The following SMS variants were observed in gnomAD, a reference collection of about 807,000 sequenced individuals.
SMS encodes spermine synthase.
In SMS, 3 loss-of-function variants were observed where a neutral mutation model predicts 33.0. The ratio of observed to expected loss-of-function variants is 0.09; its 90% CI spans 0.04 to 0.23. SMS has a LOEUF of 0.23. Ranked by LOEUF, SMS falls within the 10% of genes least tolerant of loss-of-function variation. The pLI is 1.00. For missense variants in SMS, 117 were observed against 288.6 expected (o/e 0.41, Z 4.31); for synonymous variants, 103 against 112.2 (o/e 0.92, Z 0.52).
chrX:21,963,101 C>G (rs1053991772), intron 1 of SMS, among the ~76,000 whole-genome samples: 3 of 112,062 alleles, frequency 2.7e-5, no homozygotes, highest in Middle Eastern at 4.2e-3. Flanking sequence ...TATTGAGCAC[C>G]TGGGATCAAG....
intron 1 of SMS, among the ~76,000 whole-genome samples, chrX:21,955,548 C>T (rs1051600570): frequency 8.9e-6 from 1 of 111,821 alleles, no homozygotes; most frequent in Non-Finnish European, 1.9e-5. Context: ...CTGCAAGTCC[C>T]CTCTCAAAAC....
At chrX:21,953,890 A>AT (rs10599284) in intron 1 of SMS, among the ~76,000 whole-genome samples, 33,201 of 89,768 alleles carry the variant, frequency 0.37, 6,156 homozygotes, top group Middle Eastern at 0.51. Context: ...AATTTTATTG[A>AT]TTTTTTTTTT....
intron 2 of SMS, among the ~76,000 whole-genome samples, chrX:21,967,754 G>A (rs1162798552): frequency 8.9e-6 from 1 of 112,353 alleles, no homozygotes; most frequent in Admixed American, 9.4e-5. Flanking sequence ...GAGGCCTCCT[G>A]CTAATGTATA....
intron 1 of SMS, among the ~76,000 whole-genome samples, chrX:21,956,764 G>A (rs1055545673): frequency 1.6e-4 from 18 of 112,001 alleles, no homozygotes; most frequent in East Asian, 5.6e-4. Context: ...CACCGTGCCC[G>A]GTGTATTTTT....
intron 1 of SMS, among the ~76,000 whole-genome samples, chrX:21,966,764 C>G (rs1235420512): frequency 8.9e-6 from 1 of 112,263 alleles, no homozygotes; most frequent in East Asian, 2.8e-4. Context: ...TATCCCCTTT[C>G]TAGTACCATG....
chrX:21,957,302 A>G (rs754333200), intron 1 of SMS, among the ~76,000 whole-genome samples: 13 of 109,333 alleles, frequency 1.2e-4, no homozygotes, highest in Non-Finnish European at 2.1e-4. Flanking sequence ...TTTTTATTTT[A>G]TTTATTTATT....
chrX:21,982,331 T>A (rs1925013644), intron 7 of SMS, among the ~76,000 whole-genome samples: 1 of 92,997 alleles, frequency 1.1e-5, no homozygotes, highest in Non-Finnish European at 2.1e-5. Context: ...GAGCAAGACT[T>A]GTCTCAAAAA....
intron 7 of SMS, among the ~76,000 whole-genome samples, chrX:21,980,429 A>AAAAAAAAAAAAT: frequency 1.6e-5 from 1 of 63,039 alleles, no homozygotes; most frequent in Non-Finnish European, 3.1e-5. Flanking sequence ...AAAAAAAAAA[A>AAAAAAAAAAAAT]ATATATATAT....
intron 1 of SMS, among the ~76,000 whole-genome samples, chrX:21,964,816 A>T (rs1923587808): frequency 8.9e-6 from 1 of 111,994 alleles, no homozygotes; most frequent in African/African-American, 3.2e-5. Context: ...AATTTTGGGC[A>T]GGTGTATTAG....
At chrX:21,981,987 A>G (rs1924981478) in intron 7 of SMS, among the ~76,000 whole-genome samples, 1 of 110,945 alleles carries the variant, frequency 9.0e-6, no homozygotes, top group African/African-American at 3.3e-5. Flanking sequence ...TTAAAAAGGT[A>G]TAGAGGATAT....
At chrX:21,967,433 A>G in intron 2 of SMS, 117 bp downstream of exon 2, 1 of 781,038 alleles carries the variant, frequency 1.3e-6, no homozygotes, top group Non-Finnish European at 1.9e-6. Context: ...ATCTTTTAGG[A>G]TGGGAATGGA....
At chrX:21,981,743 G>C (rs1353187512) in intron 7 of SMS, among the ~76,000 whole-genome samples, 2 of 111,702 alleles carry the variant, frequency 1.8e-5, no homozygotes, top group Non-Finnish European at 3.8e-5. Context: ...TAGGAATTTT[G>C]GTGACTTAGG....
chrX:21,956,901 A>G (rs1923010401), intron 1 of SMS, among the ~76,000 whole-genome samples: 1 of 112,328 alleles, frequency 8.9e-6, no homozygotes, highest in Non-Finnish European at 1.9e-5. Context: ...TTTTGCAGCC[A>G]TACCTCATGG....
At chrX:21,941,799 C>T (rs1257963641) in intron 1 of SMS, among the ~76,000 whole-genome samples, 3 of 99,214 alleles carry the variant, frequency 3.0e-5, no homozygotes, top group African/African-American at 1.1e-4. Flanking sequence ...GCAGGACAAT[C>T]GCTTGAACCT....
chrX:21,948,890 A>G (rs949506707), intron 1 of SMS, among the ~76,000 whole-genome samples: 2 of 112,201 alleles, frequency 1.8e-5, no homozygotes, highest in African/African-American at 6.5e-5. Flanking sequence ...GTATAGACTC[A>G]GTTCTTTTGA....
At chrX:21,946,622 A>G (rs1364308525) in intron 1 of SMS, among the ~76,000 whole-genome samples, 2 of 111,234 alleles carry the variant, frequency 1.8e-5, no homozygotes. Flanking sequence ...GTGATTCTCA[A>G]TGTGGGTGCT....
chrX:21,973,434 TCAAAA>T (rs1298204300), intron 4 of SMS, among the ~76,000 whole-genome samples: 1 of 112,484 alleles, frequency 8.9e-6, no homozygotes, highest in Non-Finnish European at 1.9e-5. Flanking sequence ...GAAACTCGCC[TCAAAA>T]CAAAACAAAA....
At chrX:21,982,444 C>T (rs746344815) in intron 7 of SMS, among the ~76,000 whole-genome samples, 7 of 110,874 alleles carry the variant, frequency 6.3e-5, no homozygotes, top group Non-Finnish European at 9.4e-5. Context: ...AGTAGAGGGG[C>T]AATATCTCAT....
At chrX:21,979,068 A>G in intron 7 of SMS, 102 bp downstream of exon 7, 1 of 587,608 alleles carries the variant, frequency 1.7e-6, no homozygotes, top group South Asian at 2.4e-5. Flanking sequence ...GTTGGTTGAG[A>G]AGATAAATAC....
Sources: allele counts gnomAD v4.1 joint callset (sites outside exome capture counted in the v4.1 genomes callset), GRCh38; gene constraint gnomAD v4.1.1; transcripts MANE v1.5; gene names NCBI Gene and HGNC (gene_info 2026-07-23, HGNC 2026-07-21).